ETV6: variants seen among roughly 807,000 people sequenced by gnomAD.
ETV6 encodes transcription factor ETV6.
Under a neutral mutation model 51.1 loss-of-function variants are expected in ETV6, and 16 were observed. The observed-to-expected ratio is 0.31, with a 90% CI of 0.21 to 0.48. ETV6 has a LOEUF of 0.48. Among genes scored for constraint, ETV6 ranks in the 20% least tolerant of loss-of-function variants. The pLI, the probability that ETV6 is intolerant of heterozygous loss-of-function variation, is 0.99. For missense variants in ETV6, 458 were observed against 594.8 expected, an observed-to-expected ratio of 0.77 and a Z score of 2.39; for synonymous variants, 240 against 224.1, an observed-to-expected ratio of 1.07 and a Z score of -0.64.
At chr12:11,888,393 C>CTT (rs869299738) in intron 7 of ETV6, among the ~76,000 whole-genome samples, 174 of 48,260 alleles carry the variant, frequency 3.6e-3, no homozygotes, top group African/African-American at 0.01. Context: ...CTTTTCTTTT[C>CTT]TTTTCTTTTT....
intron 5 of ETV6, among the ~76,000 whole-genome samples, chr12:11,880,593 C>T (rs1344221681): frequency 6.6e-6 from 1 of 152,158 alleles, no homozygotes; most frequent in Non-Finnish European, 1.5e-5. Context: ...CAGAAACATG[C>T]AGTGAAAACG....
chr12:11,763,148 C>A (rs1945115179), intron 2 of ETV6, among the ~76,000 whole-genome samples: 1 of 152,156 alleles, frequency 6.6e-6, no homozygotes, highest in African/African-American at 2.4e-5. Flanking sequence ...ATTCTGATTC[C>A]TTCACGCCAT....
intron 2 of ETV6, 84 bp from the exon 3 acceptor site, chr12:11,839,056 T>C: frequency 7.1e-7 from 1 of 1,417,490 alleles, no homozygotes; most frequent in Non-Finnish European, 9.6e-7. Context: ...TTGTTAACTA[T>C]TCAGAGACCT....
chr12:11,765,646 G>A (rs971701264), intron 2 of ETV6, among the ~76,000 whole-genome samples: 1 of 149,528 alleles, frequency 6.7e-6, no homozygotes, highest in African/African-American at 2.4e-5. Flanking sequence ...ATTAATTTTT[G>A]TAAGGCTGTG....
intron 2 of ETV6, among the ~76,000 whole-genome samples, chr12:11,779,151 C>T (rs1292982493): frequency 6.6e-6 from 1 of 152,214 alleles, no homozygotes; most frequent in Non-Finnish European, 1.5e-5. Flanking sequence ...TGGATGCACA[C>T]GTGCGTCTCT....
At chr12:11,739,951 A>T (rs1865779304) in intron 1 of ETV6, among the ~76,000 whole-genome samples, 1 of 152,234 alleles carries the variant, frequency 6.6e-6, no homozygotes, top group Non-Finnish European at 1.5e-5. Context: ...TTGTGTTAAC[A>T]AGTTGCTTTA....
intron 2 of ETV6, among the ~76,000 whole-genome samples, chr12:11,802,554 A>G (rs1011510463): frequency 1.3e-5 from 2 of 152,206 alleles, no homozygotes; most frequent in African/African-American, 4.8e-5. Context: ...AATCCTTGTC[A>G]TTGTCAGACA....
chr12:11,676,883 C>T (rs1864431011), intron 1 of ETV6, among the ~76,000 whole-genome samples: 1 of 152,234 alleles, frequency 6.6e-6, no homozygotes, highest in South Asian at 2.1e-4. Context: ...GTCTGATGCT[C>T]TCCCGAGCAT....
intron 2 of ETV6, among the ~76,000 whole-genome samples, chr12:11,828,222 C>T (rs948190832): frequency 6.6e-5 from 10 of 152,132 alleles, no homozygotes; most frequent in Non-Finnish European, 1.5e-4. Context: ...CCTTGCATAG[C>T]CAAGTTGCCT....
chr12:11,775,277 A>G (rs1945304133), intron 2 of ETV6, among the ~76,000 whole-genome samples: 1 of 152,234 alleles, frequency 6.6e-6, no homozygotes, highest in Non-Finnish European at 1.5e-5. Flanking sequence ...AAACCAGGGA[A>G]GCTGATGTTG....
chr12:11,687,004 G>A (rs1310479039), intron 1 of ETV6, among the ~76,000 whole-genome samples: 2 of 152,044 alleles, frequency 1.3e-5, no homozygotes, highest in Admixed American at 6.5e-5. Context: ...TCCTGCCTCT[G>A]CCTCCTGAGT....
chr12:11,694,109 G>T (rs1449452374), intron 1 of ETV6, among the ~76,000 whole-genome samples: 1 of 152,204 alleles, frequency 6.6e-6, no homozygotes, highest in Non-Finnish European at 1.5e-5. Flanking sequence ...TTATATGTTG[G>T]ATGGCTTTTT....
In ETV6 at chr12:11,884,539, C is replaced by T. The variant is rs771622653; in HGVS notation, c.1104C>T (p.Phe368=). The T allele has an allele frequency of 6.2e-7, 1 of 1,614,194 alleles. No homozygotes were observed. Among genetic ancestry groups the T allele is most frequent in the Non-Finnish European group, 8.5e-7 (1 of 1,180,028 alleles). ...IRWEDKESKI[F]RIVDPNGLAR... ...GGGAGGACAAAGAATCCAAAATATT[C>T]CGGATAGTGGATCCCAACGGACTGG... Residue 368 remains phenylalanine (F), a synonymous_variant, in exon 6 of 8, where the codon TTC becomes TTT. Coordinates refer to ENST00000396373, the MANE Select transcript of ETV6 (RefSeq NM_001987.5).
chr12:11,781,083 A>C (rs1945406782), intron 2 of ETV6, among the ~76,000 whole-genome samples: 1 of 152,250 alleles, frequency 6.6e-6, no homozygotes, highest in Non-Finnish European at 1.5e-5. Flanking sequence ...TACAACAGTA[A>C]ACCCCTGCTT....
intron 1 of ETV6, among the ~76,000 whole-genome samples, chr12:11,705,370 G>GGT (rs1298029018): frequency 1.3e-5 from 2 of 152,182 alleles, no homozygotes; most frequent in East Asian, 3.9e-4. Context: ...TCTCTGGAGG[G>GGT]GTGTGTGTGT....
intron 5 of ETV6, among the ~76,000 whole-genome samples, chr12:11,876,869 T>C (rs1458687024): frequency 6.6e-6 from 1 of 152,152 alleles, no homozygotes; most frequent in Non-Finnish European, 1.5e-5. Context: ...CAGCTCAAGA[T>C]CTCTTCACTC....
At chr12:11,880,052 GGAAAAAAA>G (rs2136577066) in intron 5 of ETV6, among the ~76,000 whole-genome samples, 1 of 110,124 alleles carries the variant, frequency 9.1e-6, no homozygotes, top group African/African-American at 3.2e-5. Flanking sequence ...AAAAAAAAAA[GGAAAAAAA>G]ATCTATTGTG....
chr12:11,880,760 G>A (rs1276518566), intron 5 of ETV6, among the ~76,000 whole-genome samples: 4 of 152,080 alleles, frequency 2.6e-5, no homozygotes, highest in Non-Finnish European at 5.9e-5. Flanking sequence ...AGACAACCAG[G>A]TCGTTTCTTA....
At chr12:11,792,086 G>C (rs1375660216) in intron 2 of ETV6, among the ~76,000 whole-genome samples, 1 of 152,208 alleles carries the variant, frequency 6.6e-6, no homozygotes, top group Non-Finnish European at 1.5e-5. Flanking sequence ...ACAGCAAATA[G>C]ATAAATCAAT....
Sources: gnomAD v4.1 joint callset for allele counts (sites outside exome capture counted in the v4.1 genomes callset) on GRCh38, gnomAD v4.1.1 for gene constraint, MANE v1.5 for transcripts, NCBI Gene and HGNC (gene_info 2026-07-23, HGNC 2026-07-21) for gene names.